The following PTPRG variants were observed in gnomAD, a reference collection of about 807,000 sequenced individuals.
PTPRG encodes receptor-type tyrosine-protein phosphatase gamma.
Under a neutral mutation model 165.3 loss-of-function variants are expected in PTPRG, and 102 were observed. That is an observed-to-expected ratio of 0.62 (90% CI 0.53 to 0.73). PTPRG has a LOEUF of 0.73. Among genes scored for constraint, PTPRG ranks in the 30% least tolerant of loss-of-function variants. PTPRG has a pLI of 0.00. For missense variants in PTPRG, 1,866 were observed against 1,861.4 expected (o/e 1.00, Z -0.05); for synonymous variants, 675 against 669.5 (o/e 1.01, Z -0.13).
intron 4 of PTPRG, among the ~76,000 whole-genome samples, chr3:62,068,802 C>T (rs1701106313): frequency 6.6e-6 from 1 of 152,060 alleles, no homozygotes; most frequent in Admixed American, 6.5e-5. Flanking sequence ...GTTCTACTGC[C>T]CCAAAACTTG....
intron 1 of PTPRG, among the ~76,000 whole-genome samples, chr3:61,656,388 T>G (rs1404191388): frequency 1.3e-5 from 2 of 152,082 alleles, no homozygotes; most frequent in African/African-American, 2.4e-5. Flanking sequence ...TAGCCCCCAA[T>G]TTACATATGA....
chr3:62,287,042 G>A (rs1329339147), intron 28 of PTPRG, among the ~76,000 whole-genome samples: 5 of 151,980 alleles, frequency 3.3e-5, no homozygotes, highest in Admixed American at 6.6e-5. Context: ...TTATTTAACC[G>A]TGGCTAAATA....
intron 1 of PTPRG, among the ~76,000 whole-genome samples, chr3:61,641,758 G>A (rs148364676): frequency 1.3e-5 from 2 of 152,158 alleles, no homozygotes; most frequent in Non-Finnish European, 2.9e-5. Context: ...GAAGGAGTGG[G>A]CCCAAATCTA....
At chr3:61,659,093 C>T (rs113724496) in intron 1 of PTPRG, among the ~76,000 whole-genome samples, 1,832 of 152,254 alleles carry the variant, frequency 0.012, 36 homozygotes, top group African/African-American at 0.038. Context: ...TGCCCAAGAC[C>T]TAGCAGACAC....
chr3:62,035,233 A>T (rs952942859), intron 4 of PTPRG, among the ~76,000 whole-genome samples: 8 of 152,118 alleles, frequency 5.3e-5, no homozygotes, highest in African/African-American at 1.9e-4. Flanking sequence ...AGAAAGTAAC[A>T]TGAATTCATG....
intron 1 of PTPRG, among the ~76,000 whole-genome samples, chr3:61,653,890 G>A (rs539414464): frequency 1.0e-4 from 2 of 19,394 alleles, no homozygotes; most frequent in African/African-American, 3.1e-4. Context: ...GTTGTTAAGC[G>A]GGGAGCGGTG....
intron 2 of PTPRG, among the ~76,000 whole-genome samples, chr3:61,986,297 G>T (rs903928027): frequency 1.3e-5 from 2 of 152,170 alleles, no homozygotes; most frequent in Non-Finnish European, 2.9e-5. Context: ...ACAAGATACA[G>T]AAGGAACCAG....
Position 61,643,839 on chromosome 3 carries a change from T to A in PTPRG, c.85+81467T>A, listed in dbSNP as rs557240344. On this transcript the variant is annotated intron_variant, in intron 1 of 29. Transcript: ENST00000474889. ...GGACAGTCAGCAAATGCTTATTGAATGGTCAGTTTGATGATATAATATTTA... is the reference window on the plus strand; with the variant it reads ...GGACAGTCAGCAAATGCTTATTGAAAGGTCAGTTTGATGATATAATATTTA... 1.5e-3 allele frequency among the ~76,000 whole-genome samples: 225 copies of A among 152,296 alleles called. 7 individuals are homozygous for A. In the South Asian group the frequency reaches 0.026, roughly 18 times the overall value.
intron 2 of PTPRG, among the ~76,000 whole-genome samples, chr3:61,773,599 A>T (rs1352672094): frequency 3.9e-5 from 6 of 152,126 alleles, no homozygotes; most frequent in Non-Finnish European, 8.8e-5. Context: ...TATCAGTCCT[A>T]AGAGGAGAGT....
chr3:61,570,262 T>C (rs1283715666), intron 1 of PTPRG, among the ~76,000 whole-genome samples: 1 of 55,630 alleles, frequency 1.8e-5, no homozygotes, highest in Non-Finnish European at 4.4e-5. Context: ...AATCTTTTCT[T>C]TTTTTTTTTT....
Position 61,883,378 on chromosome 3 carries a change from T to A in PTPRG, c.191-106247T>A, listed in dbSNP as rs1243424126. Among the ~76,000 whole-genome samples the A allele has an allele frequency of 2.0e-5, 3 of 152,052 alleles. No homozygotes were observed. In the East Asian group the frequency reaches 5.8e-4, roughly 29 times the overall value. On this transcript the variant is annotated intron_variant, in intron 2 of 29. Coordinates refer to ENST00000474889, the MANE Select transcript of PTPRG (RefSeq NM_002841.4). ...CTTCCCTGTGGTTCTCCACCTGGGG[T>A]CTAACGGTGCAAAAGTCCTGTCCTC...
chr3:61,873,799 A>C (rs2037649793), intron 2 of PTPRG, among the ~76,000 whole-genome samples: 1 of 152,124 alleles, frequency 6.6e-6, no homozygotes, highest in Non-Finnish European at 1.5e-5. Flanking sequence ...ATGATTAGCT[A>C]AGTGATCAGG....
chr3:61,926,219 C>G (rs955546589), intron 2 of PTPRG, among the ~76,000 whole-genome samples: 4 of 152,048 alleles, frequency 2.6e-5, no homozygotes, highest in African/African-American at 9.7e-5. Context: ...TGTCTCCCCC[C>G]AGATCTCATG....
At chr3:61,770,498 TTAA>T (rs1230025438) in intron 2 of PTPRG, 4 of 152,200 alleles carry the variant, frequency 2.6e-5, no homozygotes, top group Non-Finnish European at 4.4e-5. Flanking sequence ...TTGCACCAAC[TTAA>T]TATATACACA....
chr3:62,138,288 A>G (rs1703792158), intron 6 of PTPRG, among the ~76,000 whole-genome samples: 1 of 152,264 alleles, frequency 6.6e-6, no homozygotes. Context: ...GTGCATTAAA[A>G]TGATGTGTAA....
chr3:62,033,541 C>CTTA (rs1491029245), intron 4 of PTPRG, among the ~76,000 whole-genome samples: 5 of 81,176 alleles, frequency 6.2e-5, no homozygotes, highest in African/African-American at 2.8e-4. Context: ...CCCCCCCCCA[C>CTTA]CCCCCACCAG....
At chr3:61,698,769 T>C (rs2030760360) in intron 1 of PTPRG, among the ~76,000 whole-genome samples, 1 of 152,086 alleles carries the variant, frequency 6.6e-6, no homozygotes, top group Non-Finnish European at 1.5e-5. Flanking sequence ...CCATAGCATG[T>C]TAACATAAAT....
At chr3:61,565,285 C>G (rs1304582473) in intron 1 of PTPRG, among the ~76,000 whole-genome samples, 1 of 152,136 alleles carries the variant, frequency 6.6e-6, no homozygotes, top group Non-Finnish European at 1.5e-5. Flanking sequence ...GTGATGCTTT[C>G]CAAGTGCAAA....
chr3:61,812,967 T>A (rs997077525), intron 2 of PTPRG, among the ~76,000 whole-genome samples: 1 of 152,214 alleles, frequency 6.6e-6, no homozygotes. Flanking sequence ...CAATTAAAAT[T>A]TTAAATCCTG....
Sources: gnomAD v4.1 joint callset for allele counts (sites outside exome capture counted in the v4.1 genomes callset) on GRCh38, gnomAD v4.1.1 for gene constraint, MANE v1.5 for transcripts, NCBI Gene and HGNC (gene_info 2026-07-23, HGNC 2026-07-21) for gene names.